Variants in ABLIM1 observed in about 807,000 individuals in gnomAD.
The protein encoded by ABLIM1 is actin binding LIM protein 1, also known as actin-binding LIM protein 1.
In ABLIM1, 40 loss-of-function variants were observed where a neutral mutation model predicts 107.0. The observed-to-expected ratio is 0.37, with a 90% CI of 0.29 to 0.49. The LOEUF (loss-of-function observed/expected upper bound fraction) is 0.49, where lower values mean the gene tolerates loss of function less well. Among genes scored for constraint, ABLIM1 ranks in the 20% least tolerant of loss-of-function variants. The probability of loss-of-function intolerance (pLI) is 0.97; values close to 1 mark genes in which losing one functional copy is unlikely to be tolerated. For synonymous variants in ABLIM1, 357 were observed against 357.3 expected (o/e 1.00, Z 0.01); for missense variants, 857 against 1,008.5 (o/e 0.85, Z 2.04).
intron 1 of ABLIM1, among the ~76,000 whole-genome samples, chr10:114,668,157 AT>A (rs1028354245): frequency 1.3e-5 from 2 of 152,144 alleles, no homozygotes; most frequent in African/African-American, 4.8e-5. Context: ...CAAATACTGA[AT>A]AAAAAAATTG....
At chr10:114,718,983 T>C (rs1019721786) in intron 1 of ABLIM1, among the ~76,000 whole-genome samples, 7 of 152,346 alleles carry the variant, frequency 4.6e-5, no homozygotes, top group African/African-American at 7.2e-5. Context: ...GATGCCCTCA[T>C]TGAAGAGTCT....
At chr10:114,488,049 G>A in intron 7 of ABLIM1, 33 bp from the exon 8 acceptor site, 1 of 1,611,038 alleles carries the variant, frequency 6.2e-7, no homozygotes, top group Non-Finnish European at 8.5e-7. Context: ...TAAGAGCCAG[G>A]AAAATGGAAA....
At chr10:114,767,135 C>T (rs61870562) in intron 1 of ABLIM1, among the ~76,000 whole-genome samples, 4 of 151,718 alleles carry the variant, frequency 2.6e-5, no homozygotes, top group South Asian at 2.1e-4. Context: ...TTATCCAACA[C>T]GTTATCAAAT....
At chr10:114,782,489 A>G in the ABLIM1 span, among the ~76,000 whole-genome samples, 2 of 152,310 alleles carry the variant, frequency 1.3e-5, no homozygotes, top group African/African-American at 4.8e-5. Context: ...TGACACGTTC[A>G]GAGACTGGAA....
chr10:114,620,321 G>C (rs2077388390), intron 1 of ABLIM1, among the ~76,000 whole-genome samples: 1 of 152,198 alleles, frequency 6.6e-6, no homozygotes, highest in Non-Finnish European at 1.5e-5. Context: ...TCCTGGGGTA[G>C]GCATGGTGGA....
chr10:114,743,337 A>G (rs1245057207), intron 1 of ABLIM1, among the ~76,000 whole-genome samples: 1 of 152,166 alleles, frequency 6.6e-6, no homozygotes, highest in Non-Finnish European at 1.5e-5. Flanking sequence ...TCAATTAGCT[A>G]TTAAAGGTGT....
chr10:114,725,736 TG>T (rs2081945027), intron 1 of ABLIM1, among the ~76,000 whole-genome samples: 2 of 43,682 alleles, frequency 4.6e-5, no homozygotes, highest in Admixed American at 6.0e-4. Context: ...ATATATAAAA[TG>T]TGTGTGTGTG....
the ABLIM1 span, among the ~76,000 whole-genome samples, chr10:114,793,313 G>T: frequency 3.9e-5 from 6 of 152,020 alleles, no homozygotes; most frequent in Non-Finnish European, 8.8e-5. Context: ...AGATCTGGTT[G>T]TCTGAAAGTG....
At chr10:114,654,803 C>T (rs6585292) in intron 1 of ABLIM1, among the ~76,000 whole-genome samples, 4,671 of 152,318 alleles carry the variant, frequency 0.031, 205 homozygotes, top group African/African-American at 0.098. Flanking sequence ...TCCTCTGCAT[C>T]TCTCCCATAC....
At chr10:114,795,420 T>C in the ABLIM1 span, among the ~76,000 whole-genome samples, 1 of 152,314 alleles carries the variant, frequency 6.6e-6, no homozygotes, top group Non-Finnish European at 1.5e-5. Context: ...GAAATTACAC[T>C]TCTGGGCTGG....
intron 6 of ABLIM1, among the ~76,000 whole-genome samples, chr10:114,503,363 A>G (rs2135680716): frequency 6.6e-6 from 1 of 152,186 alleles, no homozygotes; most frequent in South Asian, 2.1e-4. Flanking sequence ...AAGTGAGAGG[A>G]TTGCTTGAGC....
chr10:114,759,743 T>C (rs914558235), intron 1 of ABLIM1, among the ~76,000 whole-genome samples: 2 of 152,098 alleles, frequency 1.3e-5, no homozygotes, highest in African/African-American at 4.8e-5. Context: ...AGTCGATCTT[T>C]TAAGGCCAAG....
rs149423117 is a variant in ABLIM1, at chr10:114,518,756, G to T, written c.894+26249C>A. Among the ~76,000 whole-genome samples, 441 of 151,788 alleles carry T rather than the reference G, an allele frequency of 2.9e-3. 2 individuals are homozygous for T. The highest frequency in any genetic ancestry group is 0.01 in the Middle Eastern group (3 of 292). ...TCTGGCCCATTACATGTGATTCAGA[G>T]AAGTACAAACAAGTGTACTTACTCA... is the stretch of plus-strand genomic sequence containing the variant. On this transcript the variant is annotated intron_variant, in intron 6 of 22. Coordinates refer to ENST00000533213, the MANE Select transcript of ABLIM1 (RefSeq NM_002313.7).
At chr10:114,602,609 G>C (rs1028192986) in intron 1 of ABLIM1, among the ~76,000 whole-genome samples, 1 of 152,196 alleles carries the variant, frequency 6.6e-6, no homozygotes, top group Non-Finnish European at 1.5e-5. Flanking sequence ...CATAGTGTCT[G>C]ATACACACAC....
At chr10:114,676,425 C>T (rs1030317649) in intron 1 of ABLIM1, among the ~76,000 whole-genome samples, 1 of 151,688 alleles carries the variant, frequency 6.6e-6, no homozygotes, top group Non-Finnish European at 1.5e-5. Flanking sequence ...TGCAGTGAAC[C>T]GAGATCGCGA....
At chr10:114,471,192 G>A (rs780485019) in intron 10 of ABLIM1, among the ~76,000 whole-genome samples, 1 of 152,186 alleles carries the variant, frequency 6.6e-6, no homozygotes, top group Non-Finnish European at 1.5e-5. Context: ...ACCATGTCTG[G>A]CAGAGTCTGG....
At chr10:114,462,922 G>C in intron 12 of ABLIM1, 1 of 1,079,944 alleles carries the variant, frequency 9.3e-7, no homozygotes, top group Non-Finnish European at 1.3e-6. Context: ...CATGACACAC[G>C]CAGGCATGCT....
intron 8 of ABLIM1, among the ~76,000 whole-genome samples, chr10:114,483,009 C>T (rs2057611313): frequency 6.6e-6 from 1 of 152,180 alleles, no homozygotes; most frequent in South Asian, 2.1e-4. Context: ...TAATTCTGAG[C>T]AACACTCATT....
intron 1 of ABLIM1, among the ~76,000 whole-genome samples, chr10:114,644,306 A>AAAAAAAT (rs1408072252): frequency 1.1e-3 from 55 of 52,240 alleles, no homozygotes; most frequent in Non-Finnish European, 1.5e-3. Context: ...AAAAAAAAAA[A>AAAAAAAT]ATATATATAT....
Sources: gnomAD v4.1 joint callset for allele counts (sites outside exome capture counted in the v4.1 genomes callset) on GRCh38, gnomAD v4.1.1 for gene constraint, MANE v1.5 for transcripts, NCBI Gene and HGNC (gene_info 2026-07-23, HGNC 2026-07-21) for gene names.